Variants in CHRM3 observed in about 807,000 individuals in gnomAD.
CHRM3 encodes cholinergic receptor muscarinic 3.
Under a neutral mutation model 41.8 loss-of-function variants are expected in CHRM3, and 11 were observed. That is an observed-to-expected ratio of 0.26 (90% confidence interval 0.17 to 0.44). The LOEUF is 0.44. Among genes scored for constraint, CHRM3 ranks in the 20% least tolerant of loss-of-function variants. The probability of loss-of-function intolerance (pLI) is 1.00; values close to 1 mark genes in which losing one functional copy is unlikely to be tolerated. For missense variants in CHRM3, 571 were observed against 745.4 expected (o/e 0.77, Z 2.72); for synonymous variants, 297 against 301.4 (o/e 0.99, Z 0.15).
chr1:239,597,103 G>A (rs982928426), intron 3 of CHRM3, among the ~76,000 whole-genome samples: 6 of 152,104 alleles, frequency 3.9e-5, no homozygotes, highest in African/African-American at 1.2e-4. Flanking sequence ...CTATATGGGT[G>A]AAAACTCTGT....
At chr1:239,787,663 C>T (rs193044575) in intron 5 of CHRM3, among the ~76,000 whole-genome samples, 10 of 152,182 alleles carry the variant, frequency 6.6e-5, no homozygotes, top group Non-Finnish European at 1.0e-4. Flanking sequence ...TGAGGGGAAG[C>T]GGGAACAGCT....
intron 4 of CHRM3, among the ~76,000 whole-genome samples, chr1:239,647,354 G>T (rs879925929): frequency 2.0e-5 from 3 of 152,076 alleles, no homozygotes; most frequent in Non-Finnish European, 4.4e-5. Flanking sequence ...TGTAAATTTT[G>T]TTACTATTGA....
chr1:239,422,857 A>G lies in CHRM3; in HGVS notation c.-521+35630A>G, dbSNP rs183492687. ...TAAAGATCATAACTTGTTTATGAAA[A>G]TACACTTTGACAAGAAGAAAACCCA... On this transcript the variant is annotated intron_variant, in intron 1 of 6. Coordinates refer to ENST00000676153, the MANE Select transcript of CHRM3 (RefSeq NM_001375978.1). 3.9e-5 allele frequency among the ~76,000 whole-genome samples: 6 copies of G among 152,288 alleles called. No individual in the cohort carries two copies. In the East Asian group the frequency reaches 1.2e-3, roughly 29 times the overall value.
intron 3 of CHRM3, among the ~76,000 whole-genome samples, chr1:239,572,701 C>T (rs1661942999): frequency 6.6e-6 from 1 of 152,138 alleles, no homozygotes; most frequent in South Asian, 2.1e-4. Context: ...TAATAATACT[C>T]TCCTAGTCAA....
chr1:239,747,400 C>T (rs1665460485), intron 5 of CHRM3, among the ~76,000 whole-genome samples: 1 of 152,178 alleles, frequency 6.6e-6, no homozygotes, highest in Non-Finnish European at 1.5e-5. Context: ...ATCAGAATTA[C>T]TCAAAGAGCA....
chr1:239,636,624 C>T (rs12096150), intron 4 of CHRM3, among the ~76,000 whole-genome samples: 11,374 of 152,176 alleles, frequency 0.075, 552 homozygotes, highest in African/African-American at 0.13. Context: ...ACATTGACAG[C>T]ACTTTTGGGT....
chr1:239,472,465 T>C (rs747984393), intron 1 of CHRM3, among the ~76,000 whole-genome samples: 3 of 152,270 alleles, frequency 2.0e-5, no homozygotes, highest in Non-Finnish European at 2.9e-5. Flanking sequence ...CAAAAAGCAA[T>C]GTCATCAAAA....
intron 5 of CHRM3, among the ~76,000 whole-genome samples, chr1:239,734,024 G>T (rs1664196285): frequency 6.6e-6 from 1 of 151,944 alleles, no homozygotes; most frequent in Non-Finnish European, 1.5e-5. Context: ...GCAATGTGGA[G>T]GGTGCTAGTC....
intron 6 of CHRM3, among the ~76,000 whole-genome samples, chr1:239,902,045 G>C (rs1166976726): frequency 6.6e-6 from 1 of 152,084 alleles, no homozygotes; most frequent in Non-Finnish European, 1.5e-5. Context: ...ATGCTCAGAA[G>C]ACCAAGTGTT....
chr1:239,507,613 A>T (rs1053871720), intron 2 of CHRM3, among the ~76,000 whole-genome samples: 1 of 152,222 alleles, frequency 6.6e-6, no homozygotes, highest in Non-Finnish European at 1.5e-5. Flanking sequence ...AAACATAAAG[A>T]TATCACCTTC....
intron 3 of CHRM3, among the ~76,000 whole-genome samples, chr1:239,593,244 T>C (rs552080106): frequency 1.2e-4 from 19 of 152,330 alleles, no homozygotes; most frequent in Non-Finnish European, 2.6e-4. Flanking sequence ...ATGATTGACC[T>C]TAAAAACCAA....
chr1:239,513,591 C>A (rs1418651303), intron 2 of CHRM3, among the ~76,000 whole-genome samples: 1 of 152,150 alleles, frequency 6.6e-6, no homozygotes, highest in Non-Finnish European at 1.5e-5. Context: ...TTCTCTTTCT[C>A]TTGACAATAT....
intron 5 of CHRM3, among the ~76,000 whole-genome samples, chr1:239,790,654 A>T (rs981375941): frequency 6.6e-6 from 1 of 152,236 alleles, no homozygotes; most frequent in Non-Finnish European, 1.5e-5. Context: ...CACTACAATC[A>T]GTTTCCCCTG....
At chr1:239,735,376 G>C (rs2148453337) in intron 5 of CHRM3, among the ~76,000 whole-genome samples, 1 of 152,240 alleles carries the variant, frequency 6.6e-6, no homozygotes, top group East Asian at 1.9e-4. Context: ...TCTATCTGCT[G>C]CAACTGCAGA....
At chr1:239,454,423 C>T (rs1361405006) in intron 1 of CHRM3, among the ~76,000 whole-genome samples, 2 of 150,954 alleles carry the variant, frequency 1.3e-5, no homozygotes, top group South Asian at 2.1e-4. Flanking sequence ...CCTCTCCAGG[C>T]GAGCCACCTT....
At chr1:239,392,144 C>T (rs1383500111) in intron 1 of CHRM3, among the ~76,000 whole-genome samples, 1 of 152,146 alleles carries the variant, frequency 6.6e-6, no homozygotes, top group African/African-American at 2.4e-5. Context: ...AGGAGCAAGA[C>T]CCCTTTCTTT....
intron 5 of CHRM3, among the ~76,000 whole-genome samples, chr1:239,825,025 G>A (rs1003245554): frequency 2.0e-5 from 3 of 152,110 alleles, no homozygotes; most frequent in Admixed American, 6.6e-5. Context: ...CATTTACTGC[G>A]CACCTGCCAG....
At chr1:239,612,207 A>G (rs1460918731) in intron 3 of CHRM3, among the ~76,000 whole-genome samples, 2 of 152,216 alleles carry the variant, frequency 1.3e-5, no homozygotes, top group Non-Finnish European at 2.9e-5. Flanking sequence ...TCTTCTTAAA[A>G]GGAAGAGTCT....
intron 2 of CHRM3, among the ~76,000 whole-genome samples, chr1:239,513,896 T>C (rs1466475933): frequency 6.6e-6 from 1 of 152,236 alleles, no homozygotes; most frequent in East Asian, 1.9e-4. Context: ...GATATCTTTG[T>C]TCCATAGTAT....
Sources: gnomAD v4.1 joint callset for allele counts (sites outside exome capture counted in the v4.1 genomes callset) on GRCh38, gnomAD v4.1.1 for gene constraint, MANE v1.5 for transcripts, NCBI Gene and HGNC (gene_info 2026-07-23, HGNC 2026-07-21) for gene names.